PCDH15: variants seen among roughly 807,000 people sequenced by gnomAD.
PCDH15 encodes protocadherin-15.
In PCDH15, 129 loss-of-function variants were observed where a neutral mutation model predicts 178.5. That is an observed-to-expected ratio of 0.72 (90% CI 0.63 to 0.84). The LOEUF (loss-of-function observed/expected upper bound fraction) is 0.84. Ranked by LOEUF, PCDH15 falls within the 40% of genes least tolerant of loss-of-function variation. The pLI, the probability that PCDH15 is intolerant of heterozygous loss-of-function variation, is 0.00. For synonymous variants in PCDH15, 800 were observed against 732.0 expected (o/e 1.09, Z -1.50); for missense variants, 2,230 against 2,099.9 (o/e 1.06, Z -1.21).
intron 22 of PCDH15, 85 bp downstream of exon 22, chr10:53,961,667 A>G (rs2088330956): frequency 3.9e-6 from 4 of 1,032,494 alleles, no homozygotes; most frequent in Non-Finnish European, 5.3e-6. Context: ...AATTGAAAGA[A>G]AAAAATGTGC....
intron 7 of PCDH15, among the ~76,000 whole-genome samples, chr10:54,319,159 T>C (rs1261575240): frequency 1.3e-5 from 2 of 152,208 alleles, no homozygotes; most frequent in Non-Finnish European, 2.9e-5. Context: ...AGTTATTATT[T>C]TGAAGAACTA....
At chr10:54,949,763 C>G (rs1223941219) in intron 2 of PCDH15, among the ~76,000 whole-genome samples, 5 of 151,972 alleles carry the variant, frequency 3.3e-5, no homozygotes, top group African/African-American at 1.2e-4. Flanking sequence ...TCATCTCTCT[C>G]AAGCTCAAAG....
intron 2 of PCDH15, among the ~76,000 whole-genome samples, chr10:55,387,912 T>C (rs567655053): frequency 9.9e-5 from 15 of 152,160 alleles, no homozygotes; most frequent in African/African-American, 3.6e-4. Context: ...TATGTTTGGA[T>C]CATTAAATTT....
chr10:54,294,402 G>A (rs1452245901), intron 8 of PCDH15, among the ~76,000 whole-genome samples: 1 of 152,056 alleles, frequency 6.6e-6, no homozygotes, highest in African/African-American at 2.4e-5. Context: ...AACATGCCAC[G>A]TGTATACCTA....
chr10:55,305,116 C>T (rs1358378935), intron 1 of PCDH15, among the ~76,000 whole-genome samples: 2 of 152,162 alleles, frequency 1.3e-5, no homozygotes, highest in African/African-American at 2.4e-5. Context: ...GCTTATCTTG[C>T]AAGTGAACAT....
chr10:54,825,122 T>C (rs1953104598), intron 3 of PCDH15, among the ~76,000 whole-genome samples: 1 of 151,352 alleles, frequency 6.6e-6, no homozygotes, highest in South Asian at 2.1e-4. Flanking sequence ...GAACATGCGG[T>C]GTTTGGTTTT....
chr10:53,968,275 G>T (rs991908908), intron 21 of PCDH15, among the ~76,000 whole-genome samples: 2 of 152,138 alleles, frequency 1.3e-5, no homozygotes, highest in Admixed American at 6.5e-5. Context: ...GTCTGAGATC[G>T]AACTGCAAGG....
chr10:55,128,713 C>T lies in PCDH15; in HGVS notation c.-80+37863G>A, dbSNP rs550365239. Among the ~76,000 whole-genome samples the T allele has an allele frequency of 2.7e-3, 414 of 152,116 alleles. 4 individuals carry two copies. The highest frequency in any genetic ancestry group is 9.7e-3 in the African/African-American group (401 of 41,530). ...TGTGTTCTCCATCCAATATTAAATG[C>T]TATGGGTAGCCATTCACTTGACAAA... On this transcript the variant is annotated intron_variant, in intron 2 of 5. Transcript: ENST00000458638.
intron 2 of PCDH15, among the ~76,000 whole-genome samples, chr10:55,600,950 C>T (rs1165678538): frequency 2.6e-5 from 4 of 152,004 alleles, no homozygotes; most frequent in Admixed American, 6.6e-5. Context: ...CAGATATTTT[C>T]AGCCATATTT....
intron 17 of PCDH15, among the ~76,000 whole-genome samples, chr10:54,069,791 A>T (rs201188188): frequency 6.6e-6 from 1 of 152,192 alleles, no homozygotes; most frequent in African/African-American, 2.4e-5. Context: ...ATGTCTTATT[A>T]AGGAAAGACT....
At chr10:54,714,816 T>A (rs575666758) in intron 1 of PCDH15, among the ~76,000 whole-genome samples, 5 of 152,266 alleles carry the variant, frequency 3.3e-5, no homozygotes, top group Non-Finnish European at 5.9e-5. Context: ...TAAAACTTTT[T>A]AAATCTTCAT....
intron 23 of PCDH15, among the ~76,000 whole-genome samples, chr10:53,948,484 T>C (rs1279657593): frequency 1.3e-5 from 2 of 152,170 alleles, no homozygotes; most frequent in South Asian, 4.1e-4. Flanking sequence ...TTTAAGTACA[T>C]TACTTAATGG....
intron 2 of PCDH15, among the ~76,000 whole-genome samples, chr10:55,495,638 T>G (rs1565195579): frequency 6.6e-6 from 1 of 151,872 alleles, no homozygotes. Context: ...CATGCCTTAT[T>G]GGTGGGAATG....
intron 2 of PCDH15, among the ~76,000 whole-genome samples, chr10:55,506,600 G>C (rs1265218643): frequency 6.6e-6 from 1 of 151,452 alleles, no homozygotes; most frequent in Non-Finnish European, 1.5e-5. Context: ...AACTAGAAGA[G>C]GTATCGAGGA....
chr10:55,390,021 T>C (rs1837754621), intron 2 of PCDH15, among the ~76,000 whole-genome samples: 1 of 152,144 alleles, frequency 6.6e-6, no homozygotes, highest in Non-Finnish European at 1.5e-5. Flanking sequence ...TTATACTGCA[T>C]GTGAGATGTT....
At chr10:54,749,634 A>G (rs1945932806) in intron 1 of PCDH15, among the ~76,000 whole-genome samples, 1 of 152,138 alleles carries the variant, frequency 6.6e-6, no homozygotes, top group African/African-American at 2.4e-5. Context: ...TCTCCTCAAT[A>G]TGGAATTGAA....
chr10:54,085,818 T>C (rs557054737), intron 16 of PCDH15, among the ~76,000 whole-genome samples: 1 of 152,212 alleles, frequency 6.6e-6, no homozygotes, highest in African/African-American at 2.4e-5. Context: ...TTAAAAGAAA[T>C]ACAAGAAAAT....
intron 20 of PCDH15, among the ~76,000 whole-genome samples, chr10:54,009,986 A>C (rs1034424104): frequency 6.6e-6 from 1 of 152,182 alleles, no homozygotes; most frequent in Non-Finnish European, 1.5e-5. Flanking sequence ...AAAGGGGCCA[A>C]ATCCACGAGG....
chr10:55,577,212 T>C (rs764871438), intron 2 of PCDH15, among the ~76,000 whole-genome samples: 6 of 152,046 alleles, frequency 3.9e-5, no homozygotes, highest in Non-Finnish European at 8.8e-5. Context: ...CACTGCACTC[T>C]AGCCTGGGTG....
Sources: gnomAD v4.1 joint callset for allele counts (sites outside exome capture counted in the v4.1 genomes callset) on GRCh38, gnomAD v4.1.1 for gene constraint, MANE v1.5 for transcripts, NCBI Gene and HGNC (gene_info 2026-07-23, HGNC 2026-07-21) for gene names.